The following LOC400499 variants were observed in gnomAD, a reference collection of about 807,000 sequenced individuals.
the LOC400499 span, chr16:11,383,830 C>G: frequency 8.1e-7 from 1 of 1,232,244 alleles, no homozygotes; most frequent in Non-Finnish European, 1.0e-6. Flanking sequence ...GAGGAGGGAC[C>G]TAAGCTTGAT....
At chr16:11,447,901 G>A in the LOC400499 span, 4 of 1,518,742 alleles carry the variant, frequency 2.6e-6, no homozygotes, top group Non-Finnish European at 3.5e-6. Flanking sequence ...GAAACTTGCA[G>A]GGGTGTCAGC....
the LOC400499 span, chr16:11,441,122 C>A: frequency 1.8e-5 from 7 of 398,736 alleles, no homozygotes; most frequent in Non-Finnish European, 2.2e-5. Flanking sequence ...CTCATCCCAT[C>A]TCTATGTGCC....
the LOC400499 span, among the ~76,000 whole-genome samples, chr16:11,523,139 A>G: frequency 6.6e-6 from 1 of 152,146 alleles, no homozygotes; most frequent in African/African-American, 2.4e-5. Context: ...GGCCAAAGAC[A>G]TTTATTCCAC....
chr16:11,378,844 T>G, the LOC400499 span, among the ~76,000 whole-genome samples: 2 of 152,260 alleles, frequency 1.3e-5, no homozygotes, highest in African/African-American at 4.8e-5. Flanking sequence ...ACGTGTACTT[T>G]TGAAGAATGT....
chr16:11,471,116 G>C, the LOC400499 span, among the ~76,000 whole-genome samples: 1 of 152,182 alleles, frequency 6.6e-6, no homozygotes, highest in Admixed American at 6.5e-5. Context: ...GAAGGGACAC[G>C]ATCCAGCTGG....
chr16:11,470,891 A>T, the LOC400499 span, among the ~76,000 whole-genome samples: 45,996 of 151,996 alleles, frequency 0.3, 7,326 homozygotes, highest in Admixed American at 0.43. Flanking sequence ...CCCGGGGAAG[A>T]GTGTTCCTGG....
At chr16:11,402,057 C>A in the LOC400499 span, 2 of 399,086 alleles carry the variant, frequency 5.0e-6, no homozygotes, top group African/African-American at 2.1e-5. Context: ...CCATCCCAGC[C>A]GACAACCAGG....
the LOC400499 span, among the ~76,000 whole-genome samples, chr16:11,386,240 G>A: frequency 6.6e-6 from 1 of 152,310 alleles, no homozygotes; most frequent in Non-Finnish European, 1.5e-5. Flanking sequence ...CGGCCCCTGA[G>A]CTGTGGCTTG....
At chr16:11,519,422 T>A in the LOC400499 span, among the ~76,000 whole-genome samples, 1 of 152,012 alleles carries the variant, frequency 6.6e-6, no homozygotes, top group Non-Finnish European at 1.5e-5. Context: ...ATATCCTCCC[T>A]AAATAACTGA....
At chr16:11,423,196 C>A in the LOC400499 span, 1 of 399,350 alleles carries the variant, frequency 2.5e-6, no homozygotes, top group East Asian at 3.6e-5. Flanking sequence ...GGCTGCCCAG[C>A]GATGTCCCCT....
the LOC400499 span, chr16:11,414,343 T>G: frequency 2.5e-6 from 1 of 399,332 alleles, no homozygotes; most frequent in East Asian, 3.6e-5. Context: ...ACTCCTTACC[T>G]GGTTGGTGAA....
At chr16:11,427,830 G>A in the LOC400499 span, among the ~76,000 whole-genome samples, 67 of 152,312 alleles carry the variant, frequency 4.4e-4, no homozygotes, top group Non-Finnish European at 8.1e-4. Context: ...AGAATTGTAA[G>A]CACATTTTGA....
the LOC400499 span, among the ~76,000 whole-genome samples, chr16:11,454,402 A>T: frequency 4.6e-5 from 7 of 152,260 alleles, no homozygotes; most frequent in African/African-American, 1.7e-4. Flanking sequence ...TCATTAAGTC[A>T]AGATGAGGTC....
the LOC400499 span, chr16:11,440,822 T>G: frequency 2.5e-6 from 1 of 398,876 alleles, no homozygotes. Flanking sequence ...CCATCCAAGC[T>G]CAGGGCCTGG....
chr16:11,384,268 A>G, the LOC400499 span: 1 of 1,232,362 alleles, frequency 8.1e-7, no homozygotes, highest in African/African-American at 1.5e-5. Flanking sequence ...GCCATCCGGC[A>G]ACATCAGCTC....
At chr16:11,514,427 G>C in the LOC400499 span, 2 of 399,160 alleles carry the variant, frequency 5.0e-6, no homozygotes, top group Non-Finnish European at 8.8e-6. Context: ...CATCTGCACA[G>C]CGCTTGCCTT....
chr16:11,440,875 C>T, the LOC400499 span: 159 of 399,072 alleles, frequency 4.0e-4, no homozygotes, highest in Non-Finnish European at 5.3e-4. Flanking sequence ...CCTTTACTTC[C>T]GCTAACAGCC....
chr16:11,505,853 C>A, the LOC400499 span, among the ~76,000 whole-genome samples: 1 of 152,088 alleles, frequency 6.6e-6, no homozygotes, highest in African/African-American at 2.4e-5. Flanking sequence ...TATCCATCAC[C>A]GTAACCACCT....
At chr16:11,376,512 A>G in the LOC400499 span, among the ~76,000 whole-genome samples, 4 of 152,148 alleles carry the variant, frequency 2.6e-5, no homozygotes, top group Non-Finnish European at 5.9e-5. Flanking sequence ...CATGTGTAAG[A>G]GTTTCTTTCT....
Sources: gnomAD v4.1 joint callset for allele counts (sites outside exome capture counted in the v4.1 genomes callset) on GRCh38, gnomAD v4.1.1 for gene constraint, MANE v1.5 for transcripts.